CYFIP2: variants seen among roughly 807,000 people sequenced by gnomAD.
CYFIP2 encodes cytoplasmic FMR1 interacting protein 2.
A neutral mutation model predicts 158.7 loss-of-function variants in CYFIP2; 29 were observed. That is an observed-to-expected ratio of 0.18 (90% confidence interval 0.14 to 0.25). The LOEUF (loss-of-function observed/expected upper bound fraction) is 0.25, where lower values mean the gene tolerates loss of function less well. CYFIP2 is among the 10% of genes least tolerant of loss of function. CYFIP2 has a pLI of 1.00. For missense variants in CYFIP2, 852 were observed against 1,639.5 expected, an observed-to-expected ratio of 0.52 and a Z score of 8.29; for synonymous variants, 585 against 617.6, an observed-to-expected ratio of 0.95 and a Z score of 0.78.
At chr5:157,296,213 G>C (rs1277367888) in intron 4 of CYFIP2, among the ~76,000 whole-genome samples, 1 of 152,212 alleles carries the variant, frequency 6.6e-6, no homozygotes. Flanking sequence ...TGGTGAAGCA[G>C]GGGCTACCCA....
intron 1 of CYFIP2, among the ~76,000 whole-genome samples, chr5:157,275,348 T>C (rs1309127872): frequency 6.6e-6 from 1 of 152,226 alleles, no homozygotes; most frequent in Non-Finnish European, 1.5e-5. Context: ...TATTTATACC[T>C]CACACCATAA....
intron 19 of CYFIP2, among the ~76,000 whole-genome samples, chr5:157,329,183 A>G (rs1362285861): frequency 6.6e-6 from 1 of 152,246 alleles, no homozygotes; most frequent in African/African-American, 2.4e-5. Context: ...GCTGTAAAGT[A>G]TTGAAAGCAT....
intron 12 of CYFIP2, 95 bp downstream of exon 12, chr5:157,314,558 G>T (rs115962729): frequency 1.4e-6 from 2 of 1,480,120 alleles, no homozygotes; most frequent in Non-Finnish European, 9.0e-7. Flanking sequence ...ACAGATTTAC[G>T]GAGTTACAAT....
intron 29 of CYFIP2, 82 bp from the exon 30 acceptor site, chr5:157,390,439 C>A: frequency 7.4e-7 from 1 of 1,359,938 alleles, no homozygotes; most frequent in Non-Finnish European, 1.0e-6. Context: ...TAGCTGTACT[C>A]CTGGCCCAAG....
rs1418630395 is a variant in CYFIP2 at position 157,394,983 on chromosome 5, T to A, written c.*1983T>A. ...AGGATGGTAGCTGGCTCTCTGTAGC[T>A]GATAGATGGCTAGAGTTCCATCCAA... On this transcript the variant is annotated 3_prime_UTR_variant, in exon 31 of 31. Coordinates refer to ENST00000620254, the MANE Select transcript of CYFIP2 (RefSeq NM_001037333.3). 1 of 153,334 alleles carries A rather than the reference T, an allele frequency of 6.5e-6. No individual in the cohort carries two copies. The highest frequency in any genetic ancestry group is 6.5e-5 in the Admixed American group (1 of 15,310). 9.5% of individuals were successfully genotyped at this position (153,334 alleles called of 1,614,324 possible). A position where few individuals can be genotyped will look rare whatever the true frequency, so the allele number is the denominator to read the frequency against.
intron 23 of CYFIP2, among the ~76,000 whole-genome samples, chr5:157,350,450 T>C (rs1278473959): frequency 6.6e-6 from 1 of 152,248 alleles, no homozygotes; most frequent in Non-Finnish European, 1.5e-5. Flanking sequence ...TATTTGGCTT[T>C]ATTTCTGGGT....
At chr5:157,281,512 A>C (rs898135179) in intron 1 of CYFIP2, among the ~76,000 whole-genome samples, 2 of 152,198 alleles carry the variant, frequency 1.3e-5, no homozygotes, top group African/African-American at 4.8e-5. Flanking sequence ...GGCTCATCTA[A>C]CAGTAACAAA....
intron 26 of CYFIP2, among the ~76,000 whole-genome samples, chr5:157,373,139 C>CAA (rs1304014634): frequency 6.6e-6 from 1 of 152,196 alleles, no homozygotes; most frequent in Non-Finnish European, 1.5e-5. Flanking sequence ...CTTTGACCCA[C>CAA]AAGGCTCAGA....
In CYFIP2 at chr5:157,389,444, G is replaced by A; in HGVS notation, c.3446+17G>A. 1 of 1,553,810 alleles carries A rather than the reference G, an allele frequency of 6.4e-7. No individual in the cohort carries two copies. Among genetic ancestry groups the A allele is most frequent in the East Asian group, 2.3e-5 (1 of 43,448 alleles). The stretch of plus-strand genomic sequence containing the variant: ...CACAGCTGAGTGAGTACCCCCCAGA[G>A]AAGGCAGGGTTACCCCCAACCTGCC... On this transcript the variant is annotated intron_variant, in intron 29 of 30. Coordinates refer to ENST00000620254, the MANE Select transcript of CYFIP2 (RefSeq NM_001037333.3).
chr5:157,339,533 C>T (rs1343553031), intron 22 of CYFIP2, among the ~76,000 whole-genome samples: 6 of 152,232 alleles, frequency 3.9e-5, no homozygotes, highest in Non-Finnish European at 8.8e-5. Context: ...TCCAGTAAAA[C>T]ATGGGGCATG....
chr5:157,384,435 G>A (rs10063413), intron 28 of CYFIP2: 49,391 of 456,638 alleles, frequency 0.11, 2,818 homozygotes, highest in Admixed American at 0.14. Context: ...TTTTGAACTC[G>A]CATTCCGGCG....
chr5:157,285,433 C>T lies in CYFIP2; in HGVS notation c.72C>T (p.Asp24=), dbSNP rs777945352. 1 of 1,582,358 alleles carries T rather than the reference C, an allele frequency of 6.3e-7. No individual in the cohort carries two copies. Among genetic ancestry groups the T allele is most frequent in the Non-Finnish European group, 8.6e-7 (1 of 1,164,584 alleles). The change falls in exon 2 of 31, where the codon GAC becomes GAT. Residue 24 remains aspartate, a synonymous_variant. Coordinates refer to ENST00000620254, the MANE Select transcript of CYFIP2 (RefSeq NM_001037333.3). ...VDLLEELPLP[D]QQPCIEPPPS... is the part of the protein sequence containing the mutation. Reference sequence around the variant, plus strand: ...TGCTTGAAGAGCTTCCCCTCCCCGACCAGCAGCCATGCATCGAGCCTCCAC... The same window carrying T: ...TGCTTGAAGAGCTTCCCCTCCCCGATCAGCAGCCATGCATCGAGCCTCCAC...
rs970819718 is a variant in CYFIP2 at position 157,348,775 on chromosome 5, C to G, written c.2673+7618C>G. ...TCAGATAGTTGCTCTGCGGCTTTCC[C>G]ATGGCATTCAGTCTTCCCAGGGGCC... On this transcript the variant is annotated intron_variant, in intron 23 of 30. Coordinates refer to ENST00000620254, the MANE Select transcript of CYFIP2 (RefSeq NM_001037333.3). Among the ~76,000 whole-genome samples the G allele has an allele frequency of 2.6e-5, 4 of 152,132 alleles. No homozygotes were observed. In the South Asian group the frequency reaches 8.3e-4, roughly 32 times the overall value.
chr5:157,375,867 C>T (rs1023698849), intron 26 of CYFIP2: 2 of 151,998 alleles, frequency 1.3e-5, no homozygotes, highest in Non-Finnish European at 2.9e-5. Context: ...AGAAGCAGGT[C>T]CTCGGTTACC....
At chr5:157,360,462 C>A in intron 25 of CYFIP2, 90 bp downstream of exon 25, 1 of 1,092,666 alleles carries the variant, frequency 9.2e-7, no homozygotes, top group Non-Finnish European at 1.3e-6. Flanking sequence ...CTCTAACATG[C>A]CAGTGAGCTG....
chr5:157,355,858 A>G (rs2113336792), intron 23 of CYFIP2, among the ~76,000 whole-genome samples: 1 of 152,306 alleles, frequency 6.6e-6, no homozygotes, highest in African/African-American at 2.4e-5. Context: ...CTATGTTCCC[A>G]TGGCTGTGAG....
chr5:157,307,917 G>T, intron 9 of CYFIP2, 52 bp downstream of exon 9: 1 of 1,036,018 alleles, frequency 9.7e-7, no homozygotes. Flanking sequence ...CCAGCGCCAA[G>T]ATGTCTTTGG....
intron 19 of CYFIP2, among the ~76,000 whole-genome samples, chr5:157,329,305 T>C (rs1761264681): frequency 1.3e-5 from 2 of 152,256 alleles, no homozygotes; most frequent in African/African-American, 2.4e-5. Context: ...TTCTGGCTTC[T>C]GTAAGACAAT....
intron 1 of CYFIP2, among the ~76,000 whole-genome samples, chr5:157,277,498 A>G (rs1756659097): frequency 6.6e-6 from 1 of 152,234 alleles, no homozygotes; most frequent in Non-Finnish European, 1.5e-5. Context: ...AGGTGTGTTC[A>G]TGAATTCTTT....
Sources: allele counts gnomAD v4.1 joint callset (sites outside exome capture counted in the v4.1 genomes callset), GRCh38; gene constraint gnomAD v4.1.1; transcripts MANE v1.5; gene names NCBI Gene and HGNC (gene_info 2026-07-23, HGNC 2026-07-21).